DDX54: variants seen among roughly 807,000 people sequenced by gnomAD.
DDX54 encodes DEAD-box helicase 54, also known as ATP-dependent RNA helicase DDX54.
In DDX54, 67 loss-of-function variants were observed where a neutral mutation model predicts 105.5. The observed-to-expected ratio is 0.64, with a 90% CI of 0.52 to 0.78. The LOEUF is 0.78. Ranked by LOEUF, DDX54 falls within the 30% of genes least tolerant of loss-of-function variation. DDX54 has a pLI of 0.00. For synonymous variants in DDX54, 514 were observed against 509.9 expected, an observed-to-expected ratio of 1.01 and a Z score of -0.11; for missense variants, 1,206 against 1,230.5, an observed-to-expected ratio of 0.98 and a Z score of 0.30.
chr12:113,174,272 G>A (rs1264063844), intron 10 of DDX54, among the ~76,000 whole-genome samples: 5 of 152,084 alleles, frequency 3.3e-5, no homozygotes, highest in Non-Finnish European at 4.4e-5. Context: ...GAGCCCAGGA[G>A]TTCAAGACCA....
Position 113,157,960 on chromosome 12 carries a change from G to A in DDX54, c.*917C>T, listed in dbSNP as rs1952154196. On this transcript the variant is annotated 3_prime_UTR_variant, in exon 20 of 20. Coordinates refer to ENST00000306014, the MANE Select transcript of DDX54 (RefSeq NM_024072.4). ...AATGAGATCAGACCAGGCCCTCCCT[G>A]CCAGGGTGGTTGGGGCATGAAAAAA... 2 of 479,090 alleles carry A rather than the reference G, an allele frequency of 4.2e-6. No individual in the cohort carries two copies. The highest frequency in any genetic ancestry group is 7.5e-6 in the Non-Finnish European group (2 of 265,308). 29.7% of individuals were successfully genotyped at this position (479,090 alleles called of 1,614,324 possible). A position where few individuals can be genotyped will look rare whatever the true frequency, so the allele number is the denominator to read the frequency against.
At chr12:113,179,665 G>T (rs1292588881) in intron 3 of DDX54, among the ~76,000 whole-genome samples, 1 of 152,158 alleles carries the variant, frequency 6.6e-6, no homozygotes, top group Non-Finnish European at 1.5e-5. Flanking sequence ...ACAAGCCCTG[G>T]GTGATAATAT....
chr12:113,166,520 G>A lies in DDX54; in HGVS notation c.1415-488C>T, dbSNP rs2136317100. ...ATTGGAGACCAGCCTGAGCAATGTAGTGACACTCCATGTCTACAATAAATT... is the reference window on the plus strand; with the variant it reads ...ATTGGAGACCAGCCTGAGCAATGTAATGACACTCCATGTCTACAATAAATT... On this transcript the variant is annotated intron_variant, in intron 12 of 19. Transcript: ENST00000306014. 1.3e-5 allele frequency among the ~76,000 whole-genome samples: 2 copies of A among 152,252 alleles called. 1 individual carries two copies. Among genetic ancestry groups the A allele is most frequent in the South Asian group, 4.1e-4 (2 of 4,834 alleles).
Position 113,157,750 on chromosome 12 carries a change from A to C in DDX54, c.*1127T>G, listed in dbSNP as rs112274118. The C allele has an allele frequency of 1.3e-5, 16 of 1,247,640 alleles. No individual in the cohort carries two copies. Among genetic ancestry groups the C allele is most frequent in the Admixed American group, 5.9e-5 (3 of 50,552 alleles). 77.3% of individuals were successfully genotyped at this position (1,247,640 alleles called of 1,614,324 possible). ...TGAGATAGGAGGGCCCACATTTCCA[A>C]TGGGGTGTGGACTGAGTGGCTCTTC... On this transcript the variant is annotated 3_prime_UTR_variant, in exon 20 of 20. Coordinates refer to ENST00000306014, the MANE Select transcript of DDX54 (RefSeq NM_024072.4).
intron 18 of DDX54, 89 bp from the exon 19 acceptor site, chr12:113,161,471 A>T (rs772722261): frequency 3.8e-6 from 4 of 1,056,158 alleles, no homozygotes; most frequent in Non-Finnish European, 5.6e-6. Flanking sequence ...GAGTTCCGTT[A>T]TCCCAGCCGC....
chr12:113,163,332 C>G lies in DDX54; in HGVS notation c.1939-58G>C. On this transcript the variant is annotated intron_variant, in intron 15 of 19. Transcript: ENST00000306014. The surrounding 1 kb of genome is among the most constrained non-coding windows in gnomAD (Gnocchi z 5.9). ...GCCTGCTGCCCCCTGGGGACTTCCC[C>G]CTGCCTCCCTACCCACCAGCCTGGC... 1 of 1,559,788 alleles carries G rather than the reference C, an allele frequency of 6.4e-7. No individual in the cohort carries two copies. The highest frequency in any genetic ancestry group is 8.7e-7 in the Non-Finnish European group (1 of 1,153,670).
rs1566090000 is a variant in DDX54, at chr12:113,157,504, G to A, written c.*1373C>T. ...TGTTCTTTTAATGAGGGGATCTCCA[G>A]TCCCCGCCCTACCTTTCGGCCTCCC... On this transcript the variant is annotated 3_prime_UTR_variant, in exon 20 of 20. Coordinates refer to ENST00000306014, the MANE Select transcript of DDX54 (RefSeq NM_024072.4). The A allele has an allele frequency of 2.2e-6, 2 of 919,924 alleles. No homozygotes were observed. Among genetic ancestry groups the A allele is most frequent in the Admixed American group, 4.1e-5 (2 of 48,256 alleles). The allele number at this position is 919,924 out of a possible 1,614,324, so 57.0% of individuals were successfully genotyped here.
At chr12:113,171,150 C>A (rs1952333398) in intron 11 of DDX54, among the ~76,000 whole-genome samples, 1 of 152,198 alleles carries the variant, frequency 6.6e-6, no homozygotes, top group Non-Finnish European at 1.5e-5. Context: ...GCAACAGAAA[C>A]TAGGGGACAG....
chr12:113,162,640 G>A (rs1246836531), intron 17 of DDX54: 3 of 360,278 alleles, frequency 8.3e-6, no homozygotes, highest in Non-Finnish European at 1.5e-5. Context: ...TCACCCCAGG[G>A]AATGGAGGGG....
chr12:113,161,751 A>G, intron 18 of DDX54, 142 bp downstream of exon 18: 1 of 571,796 alleles, frequency 1.7e-6, no homozygotes, highest in Admixed American at 2.9e-5. Flanking sequence ...GGTCCCATCT[A>G]TTGGAGATGC....
chr12:113,180,775 A>G (rs917530880), intron 2 of DDX54, among the ~76,000 whole-genome samples, 154 bp downstream of exon 2: 1 of 152,140 alleles, frequency 6.6e-6, no homozygotes, highest in African/African-American at 2.4e-5. Flanking sequence ...CTGCCCCACT[A>G]GAAGGCCCTG....
At chr12:113,159,328 G>A in intron 19 of DDX54, 2 of 552,316 alleles carry the variant, frequency 3.6e-6, no homozygotes, top group South Asian at 2.8e-5. Context: ...AATCCCAGCT[G>A]TGACCTCTTG....
rs1481670532 is a variant in DDX54, at chr12:113,176,855, A to C, written c.737T>G (p.Phe246Cys). The C allele has an allele frequency of 6.2e-7, 1 of 1,614,026 alleles. No individual in the cohort carries two copies. The highest frequency in any genetic ancestry group is 1.3e-5 in the African/African-American group (1 of 74,912). ...GCAGCCTTACCGGTCAGCTTCATCGAACACCACGTATTCCACACTCTGCAG... is the reference window on the plus strand; with the variant it reads ...GCAGCCTTACCGGTCAGCTTCATCGCACACCACGTATTCCACACTCTGCAG... ...LKLQSVEYVV[F>C]DEADRLFEMG... Residue 246 changes from phenylalanine to cysteine, a missense_variant, in exon 7 of 20, where the codon TTC becomes TGC. Phe to Cys is a radical substitution (Grantham distance 205). Coordinates refer to ENST00000306014, the MANE Select transcript of DDX54 (RefSeq NM_024072.4).
chr12:113,165,963 A>G lies in DDX54; in HGVS notation c.1484T>C (p.Leu495Pro), dbSNP rs1478635642. Residue 495 changes from leucine to proline, a missense_variant, in exon 13 of 20, where the codon CTG becomes CCG. Transcript: ENST00000306014. ...CAGCGATGCCTCCAGGGTGCTCTGCAGACCACTGTCCTCCTCGTCCACCAC... is the reference window on the plus strand; with the variant it reads ...CAGCGATGCCTCCAGGGTGCTCTGCGGACCACTGTCCTCCTCGTCCACCAC... Reference protein sequence around the residue: ...QSVVDEEDSGLQSTLEASLEL... With the variant: ...QSVVDEEDSGPQSTLEASLEL... 6.2e-7 allele frequency: 1 copy of G among 1,613,420 alleles called. No homozygotes were observed. The highest frequency in any genetic ancestry group is 1.1e-5 in the South Asian group (1 of 91,084).
chr12:113,180,963 C>G lies in DDX54; in HGVS notation c.270G>C (p.Lys90Asn), dbSNP rs763470495. The change falls in exon 2 of 20, where the codon AAG becomes AAC. Residue 90 changes from lysine (K) to asparagine (N), a missense_variant. Lys to Asn is a moderately conservative substitution (Grantham distance 94, BLOSUM62 0). Around this residue, in one of 3 missense-constraint regions of DDX54, gnomAD observed 212 missense variants for 155.4 expected, o/e 1.36. Coordinates refer to ENST00000306014, the MANE Select transcript of DDX54 (RefSeq NM_024072.4). ...GGAAGCCTCCAGACTTCTTCTTCTT[C>G]TTGTTCTGGGCACGCACCATCTCCC... is the stretch of plus-strand genomic sequence containing the variant. ...DTREMVRAQN[K>N]KKKKSGGFQS... 8 of 1,613,300 alleles carry G rather than the reference C, an allele frequency of 5.0e-6. No homozygotes were observed. The highest frequency in any genetic ancestry group is 1.3e-5 in the African/African-American group (1 of 74,916).
intron 17 of DDX54, 51 bp downstream of exon 17, chr12:113,162,881 C>A (rs776875835): frequency 2.0e-6 from 3 of 1,506,238 alleles, no homozygotes; most frequent in Admixed American, 2.0e-5. Context: ...AGGAGCAGCT[C>A]ACTCGGTCAC....
In DDX54 at chr12:113,179,924, C is replaced by T; in HGVS notation, c.375+11G>A. 4 of 1,614,084 alleles carry T rather than the reference C, an allele frequency of 2.5e-6. No homozygotes were observed. The highest frequency in any genetic ancestry group is 3.4e-6 in the Non-Finnish European group (4 of 1,179,996). ...CCCTCGCCCTCACCCGTCGACCGCC[C>T]CACCCCTCACCTTCCTCTGGATGGG... is the stretch of plus-strand genomic sequence containing the variant. On this transcript the variant is annotated intron_variant, in intron 3 of 19. Coordinates refer to ENST00000306014, the MANE Select transcript of DDX54 (RefSeq NM_024072.4).
chr12:113,180,388 G>A (rs1952452600), intron 2 of DDX54, among the ~76,000 whole-genome samples: 1 of 152,152 alleles, frequency 6.6e-6, no homozygotes, highest in African/African-American at 2.4e-5. Flanking sequence ...TGTGGGGAGG[G>A]ACTCTTGTCC....
rs775373047 is a variant in DDX54 at position 113,158,959 on chromosome 12, C to T, written c.2564G>A (p.Arg855His). ...GGLKQLSARNRRRVQELQQGA... is the reference protein window; with the variant it reads ...GGLKQLSARNHRRVQELQQGA... ...CTGCTGCAGCTCCTGGACGCGGCGGCGGTTGCGGGCAGAGAGCTGCTTGAG... is the reference window on the plus strand; with the variant it reads ...CTGCTGCAGCTCCTGGACGCGGCGGTGGTTGCGGGCAGAGAGCTGCTTGAG... The change falls in exon 20 of 20, where the codon CGC becomes CAC. Residue 855 changes from arginine (R) to histidine (H), a missense_variant. Physicochemically the swap from Arg to His is conservative, Grantham distance 29. Transcript: ENST00000306014. The surrounding 1 kb of genome is among the most constrained non-coding windows in gnomAD (Gnocchi z 4.9). 38 of 1,611,104 alleles carry T rather than the reference C, an allele frequency of 2.4e-5. No homozygotes were observed. The highest frequency in any genetic ancestry group is 4.4e-5 in the South Asian group (4 of 90,734).
Sources: gnomAD v4.1 joint callset for allele counts (sites outside exome capture counted in the v4.1 genomes callset) on GRCh38, gnomAD v4.1.1 for gene constraint, gnomAD v4.1.1 regional missense constraint, Gnocchi (gnomAD v3.1) non-coding constraint, MANE v1.5 for transcripts, NCBI Gene and HGNC (gene_info 2026-07-23, HGNC 2026-07-21) for gene names.